The following MCTP2 variants were observed in gnomAD, a reference collection of about 807,000 sequenced individuals.
The protein encoded by MCTP2 is multiple C2 and transmembrane domain-containing protein 2.
A neutral mutation model predicts 111.6 loss-of-function variants in MCTP2; 132 were observed. The ratio of observed to expected loss-of-function variants is 1.18; its 90% CI spans 1.03 to 1.37. MCTP2 has a LOEUF of 1.37. Among genes scored for constraint, MCTP2 ranks in the 40% most tolerant of loss-of-function variants. The probability of loss-of-function intolerance (pLI) is 0.00; values close to 1 mark genes in which losing one functional copy is unlikely to be tolerated. For synonymous variants in MCTP2, 395 were observed against 387.7 expected (o/e 1.02, Z -0.22); for missense variants, 1,183 against 1,067.9 (o/e 1.11, Z -1.50).
At chr15:94,378,072 T>G (rs973399485) in intron 12 of MCTP2, among the ~76,000 whole-genome samples, 1 of 152,040 alleles carries the variant, frequency 6.6e-6, no homozygotes, top group African/African-American at 2.4e-5. Flanking sequence ...AAGGGAATGA[T>G]ATGATCCGAT....
intron 17 of MCTP2, among the ~76,000 whole-genome samples, chr15:94,436,755 C>T (rs1380431998): frequency 6.6e-6 from 1 of 152,024 alleles, no homozygotes; most frequent in African/African-American, 2.4e-5. Flanking sequence ...ATGTCAGCCT[C>T]TTCTTACTTG....
At chr15:94,446,420 T>C (rs1274311601) in intron 19 of MCTP2, among the ~76,000 whole-genome samples, 1 of 152,198 alleles carries the variant, frequency 6.6e-6, no homozygotes, top group East Asian at 1.9e-4. Flanking sequence ...AATCCTTCCA[T>C]GTGGACCTTA....
chr15:94,299,959 T>G (rs943672802), intron 2 of MCTP2, among the ~76,000 whole-genome samples: 8 of 152,246 alleles, frequency 5.3e-5, no homozygotes, highest in Non-Finnish European at 1.0e-4. Context: ...AAACCCATTT[T>G]GTAAACCTTT....
intron 1 of MCTP2, among the ~76,000 whole-genome samples, chr15:94,243,731 G>GCGTATATACACATATA (rs1567253718): frequency 3.0e-4 from 15 of 50,260 alleles, no homozygotes; most frequent in Admixed American, 4.6e-4. Flanking sequence ...ACATACATAT[G>GCGTATATACACATATA]TGTATACATA....
intron 19 of MCTP2, among the ~76,000 whole-genome samples, chr15:94,444,393 T>C (rs938064483): frequency 4.6e-5 from 7 of 152,194 alleles, no homozygotes; most frequent in Admixed American, 4.6e-4. Context: ...GTTTGGGCAT[T>C]GGTGTTTAAG....
chr15:94,367,374 C>T (rs939527068), intron 10 of MCTP2, among the ~76,000 whole-genome samples: 1 of 152,158 alleles, frequency 6.6e-6, no homozygotes, highest in African/African-American at 2.4e-5. Context: ...TTTCCATCTG[C>T]CGATGCTGCC....
chr15:94,388,892 A>C (rs968812846), intron 14 of MCTP2, among the ~76,000 whole-genome samples: 1 of 152,194 alleles, frequency 6.6e-6, no homozygotes, highest in Admixed American at 6.5e-5. Context: ...TGCCACAGTG[A>C]GTAATTATTA....
chr15:94,253,967 A>G (rs2072605601), intron 1 of MCTP2, among the ~76,000 whole-genome samples: 1 of 151,992 alleles, frequency 6.6e-6, no homozygotes, highest in Admixed American at 6.5e-5. Context: ...ACTTTCAATG[A>G]CTCTAATTTC....
chr15:94,369,558 C>T (rs1193654706), intron 11 of MCTP2, among the ~76,000 whole-genome samples: 1 of 152,156 alleles, frequency 6.6e-6, no homozygotes, highest in Non-Finnish European at 1.5e-5. Flanking sequence ...GTACTAGATA[C>T]TTAATCTCTA....
chr15:94,332,909 T>TG (rs2077194335), intron 4 of MCTP2, among the ~76,000 whole-genome samples: 1 of 152,142 alleles, frequency 6.6e-6, no homozygotes, highest in African/African-American at 2.4e-5. Context: ...ACACATAAAG[T>TG]GAACATTAAA....
At chr15:94,452,077 G>GCTTGGTGATC (rs1567735617) in intron 19 of MCTP2, among the ~76,000 whole-genome samples, 43 of 152,242 alleles carry the variant, frequency 2.8e-4, no homozygotes, top group Admixed American at 5.2e-4. Flanking sequence ...CAAGCTAGTA[G>GCTTGGTGATC]ATGTCAGGAC....
At chr15:94,372,216 C>A (rs979977768) in intron 12 of MCTP2, among the ~76,000 whole-genome samples, 1 of 152,188 alleles carries the variant, frequency 6.6e-6, no homozygotes, top group Non-Finnish European at 1.5e-5. Context: ...TGGTGTTTCA[C>A]TATTTCTGTA....
At position 94,420,984 on chromosome 15, in the gene MCTP2, C is replaced by T. The variant is rs1323834412; in HGVS notation, c.2085+18965C>T. 2.0e-5 allele frequency among the ~76,000 whole-genome samples: 3 copies of T among 152,232 alleles called. No homozygotes were observed. The East Asian group carries it at 5.8e-4, about 29-fold the overall frequency. On this transcript the variant is annotated intron_variant, in intron 17 of 22. Transcript: ENST00000357742. ...TCTTATTGTAAGAAATTGCCACAGC[C>T]ACCCCAGCCTTCAGCAACCACCACC...
chr15:94,355,508 T>C (rs2078569153), intron 8 of MCTP2, among the ~76,000 whole-genome samples: 1 of 152,210 alleles, frequency 6.6e-6, no homozygotes, highest in South Asian at 2.1e-4. Context: ...GTTAAGTTAT[T>C]GAACCCCTCC....
intron 12 of MCTP2, among the ~76,000 whole-genome samples, chr15:94,370,943 A>G (rs780080677): frequency 9.2e-5 from 14 of 152,134 alleles, no homozygotes; most frequent in Non-Finnish European, 1.8e-4. Flanking sequence ...TTAAAAATAT[A>G]TATCTCATAT....
chr15:94,244,296 GTATA>G (rs1567258321), intron 1 of MCTP2, among the ~76,000 whole-genome samples: 3 of 145,686 alleles, frequency 2.1e-5, no homozygotes, highest in Non-Finnish European at 3.0e-5. Flanking sequence ...ATACATATGT[GTATA>G]TATTTATATA....
chr15:94,431,785 C>T (rs1279862412), intron 17 of MCTP2, among the ~76,000 whole-genome samples: 1 of 152,036 alleles, frequency 6.6e-6, no homozygotes, highest in Non-Finnish European at 1.5e-5. Flanking sequence ...TGTTTTCCCC[C>T]TCTAAATTAT....
At chr15:94,349,020 T>G (rs890948380) in intron 8 of MCTP2, among the ~76,000 whole-genome samples, 2 of 152,096 alleles carry the variant, frequency 1.3e-5, no homozygotes, top group African/African-American at 4.8e-5. Context: ...CTCATCTATC[T>G]AATTTATCTA....
At chr15:94,267,802 AT>A (rs1251579699) in intron 1 of MCTP2, among the ~76,000 whole-genome samples, 1 of 149,462 alleles carries the variant, frequency 6.7e-6, no homozygotes, top group African/African-American at 2.5e-5. Flanking sequence ...ACTTTTAGCC[AT>A]TCTAGGAGGC....
Sources: gnomAD v4.1 joint callset for allele counts (sites outside exome capture counted in the v4.1 genomes callset) on GRCh38, gnomAD v4.1.1 for gene constraint, MANE v1.5 for transcripts, NCBI Gene and HGNC (gene_info 2026-07-23, HGNC 2026-07-21) for gene names.